Variants in TEX11 observed in about 807,000 individuals in gnomAD.
The protein encoded by TEX11 is testis-expressed protein 11.
TEX11 carries 7 observed loss-of-function variants against 84.4 expected under a neutral mutation model. That is an observed-to-expected ratio of 0.08 (90% CI 0.05 to 0.16). The LOEUF (loss-of-function observed/expected upper bound fraction) is 0.16. Among genes scored for constraint, TEX11 ranks in the 10% least tolerant of loss-of-function variants. The pLI is 1.00. For synonymous variants in TEX11, 264 were observed against 222.8 expected, an observed-to-expected ratio of 1.18 and a Z score of -1.64; for missense variants, 551 against 660.5, an observed-to-expected ratio of 0.83 and a Z score of 1.82.
chrX:70,607,437 AAAAC>A (rs2089207539), intron 22 of TEX11, among the ~76,000 whole-genome samples: 1 of 111,021 alleles, frequency 9.0e-6, no homozygotes, highest in Non-Finnish European at 1.9e-5. Flanking sequence ...AAAAAATTAA[AAAAC>A]AAACCAAAAC....
rs1193270607 is a variant in TEX11 at position 70,768,863 on chromosome X, A to G, written c.693-24644T>C. Reference sequence around the variant, plus strand: ...AACATATCCTAGGCCATAAAAGGCCATAGTAGATTTAACAGTTCCTTGTCT... The same window carrying G: ...AACATATCCTAGGCCATAAAAGGCCGTAGTAGATTTAACAGTTCCTTGTCT... On this transcript the variant is annotated intron_variant, in intron 9 of 29. Coordinates refer to ENST00000374333, the MANE Select transcript of TEX11 (RefSeq NM_031276.3). Among the ~76,000 whole-genome samples, 5 of 112,274 alleles carry G rather than the reference A, an allele frequency of 4.5e-5. No homozygotes were observed. The Admixed American group carries it at 4.8e-4, about 11-fold the overall frequency.
intron 28 of TEX11, among the ~76,000 whole-genome samples, chrX:70,533,998 A>C (rs2087922110): frequency 9.8e-6 from 1 of 102,214 alleles, no homozygotes; most frequent in Non-Finnish European, 2.0e-5. Context: ...AGGCTGAGGC[A>C]GGGGAATCGC....
chrX:70,770,947 C>T (rs2090968701), intron 9 of TEX11, among the ~76,000 whole-genome samples: 1 of 111,237 alleles, frequency 9.0e-6, no homozygotes, highest in South Asian at 3.8e-4. Context: ...CATTACTTAC[C>T]AACAGAGACA....
chrX:70,637,916 C>A (rs780868169), intron 17 of TEX11, among the ~76,000 whole-genome samples: 59 of 106,071 alleles, frequency 5.6e-4, no homozygotes, highest in African/African-American at 1.9e-3. Flanking sequence ...TCCCCCTGAA[C>A]TTACAAGCTG....
intron 9 of TEX11, among the ~76,000 whole-genome samples, chrX:70,763,658 T>C: frequency 9.0e-6 from 1 of 110,639 alleles, no homozygotes; most frequent in Middle Eastern, 4.7e-3. Context: ...CTCATGCCAA[T>C]GGACACCAAA....
intron 12 of TEX11, chrX:70,724,197 T>G (rs1267439456): frequency 1.3e-6 from 1 of 751,770 alleles, no homozygotes; most frequent in Non-Finnish European, 1.6e-6. Context: ...ATTATTTTAG[T>G]TGGTTAGTTG....
intron 13 of TEX11, among the ~76,000 whole-genome samples, chrX:70,692,042 A>G (rs998273324): frequency 3.6e-5 from 4 of 111,897 alleles, no homozygotes; most frequent in Non-Finnish European, 7.5e-5. Flanking sequence ...TGAAAATAAA[A>G]GTTTGGAAAA....
intron 13 of TEX11, among the ~76,000 whole-genome samples, chrX:70,720,534 TA>T (rs200163497): frequency 8.0e-4 from 84 of 104,472 alleles, no homozygotes; most frequent in African/African-American, 2.4e-3. Context: ...AAGAAGGTAC[TA>T]AAAAAAAAAG....
intron 23 of TEX11, 29 bp from the exon 24 acceptor site, chrX:70,605,546 A>T (rs774593744): frequency 1.0e-6 from 1 of 993,458 alleles, no homozygotes; most frequent in Non-Finnish European, 1.4e-6. Flanking sequence ...AACATCAATG[A>T]ATAGTGAGAA....
chrX:70,542,917 C>T (rs755762440), intron 28 of TEX11, among the ~76,000 whole-genome samples: 1 of 112,375 alleles, frequency 8.9e-6, no homozygotes, highest in South Asian at 3.7e-4. Context: ...CGCGGTGGCT[C>T]ACGCCTGTAA....
intron 9 of TEX11, among the ~76,000 whole-genome samples, chrX:70,787,002 C>T (rs1265729814): frequency 1.8e-5 from 2 of 110,810 alleles, no homozygotes; most frequent in African/African-American, 3.3e-5. Context: ...GGCATGGTGG[C>T]TCATGCCTGT....
chrX:70,783,792 C>T (rs1000268907), intron 9 of TEX11, among the ~76,000 whole-genome samples: 1 of 110,886 alleles, frequency 9.0e-6, no homozygotes, highest in African/African-American at 3.3e-5. Context: ...GTTGAATCTC[C>T]GAATAGGTGA....
intron 21 of TEX11, 106 bp from the exon 22 acceptor site, chrX:70,609,283 G>C (rs1195581770): frequency 1.5e-6 from 1 of 675,319 alleles, no homozygotes; most frequent in Admixed American, 4.0e-5. Flanking sequence ...AATTTAGAAA[G>C]TTCTTTTTTG....
intron 25 of TEX11, among the ~76,000 whole-genome samples, chrX:70,567,202 G>T (rs762243996): frequency 3.6e-5 from 4 of 110,904 alleles, no homozygotes; most frequent in African/African-American, 1.3e-4. Context: ...AGAGGTGTTT[G>T]TAGTATTCTC....
At chrX:70,791,301 C>A (rs949653073) in intron 9 of TEX11, among the ~76,000 whole-genome samples, 2 of 112,101 alleles carry the variant, frequency 1.8e-5, no homozygotes, top group African/African-American at 3.2e-5. Context: ...TTCAATTCAA[C>A]AAGAAGACTT....
At chrX:70,869,473 A>T (rs1165767494) in intron 4 of TEX11, among the ~76,000 whole-genome samples, 1 of 111,603 alleles carries the variant, frequency 9.0e-6, no homozygotes, top group Non-Finnish European at 1.9e-5. Context: ...CATCCTTACC[A>T]CTTTACTAAA....
chrX:70,773,896 C>A (rs1485377718), intron 9 of TEX11, among the ~76,000 whole-genome samples: 1 of 111,148 alleles, frequency 9.0e-6, no homozygotes, highest in Non-Finnish European at 1.9e-5. Context: ...AGATTGGCTG[C>A]GAGCTGAGAG....
intron 17 of TEX11, among the ~76,000 whole-genome samples, chrX:70,636,963 C>T (rs1414123182): frequency 9.0e-6 from 1 of 111,612 alleles, no homozygotes; most frequent in Non-Finnish European, 1.9e-5. Context: ...TCAGAATGAA[C>T]AAATAAATTA....
In TEX11 at chrX:70,903,965, A is replaced by C. The variant is rs1294762895; in HGVS notation, c.37+3788T>G. 7.4e-5 allele frequency among the ~76,000 whole-genome samples: 7 copies of C among 94,029 alleles called. 1 individual carries two copies. Among genetic ancestry groups the C allele is most frequent in the Non-Finnish European group, 1.4e-4 (7 of 48,588 alleles). The allele number at this position is 94,029 out of a possible 115,157, so 81.7% of individuals were successfully genotyped here. ...GCTCCTGAGACTACTACAGGCATGC[A>C]ACACCACATCCAGCTTTTTTTTTTT... On this transcript the variant is annotated intron_variant, in intron 2 of 29. Coordinates refer to ENST00000374333, the MANE Select transcript of TEX11 (RefSeq NM_031276.3).
Sources: allele counts gnomAD v4.1 joint callset (sites outside exome capture counted in the v4.1 genomes callset), GRCh38; gene constraint gnomAD v4.1.1; transcripts MANE v1.5; gene names NCBI Gene and HGNC (gene_info 2026-07-23, HGNC 2026-07-21).